TAFA1: variants seen among roughly 807,000 people sequenced by gnomAD.
TAFA1 encodes TAFA chemokine like family member 1.
In TAFA1, 4 loss-of-function variants were observed where a neutral mutation model predicts 18.5. That is an observed-to-expected ratio of 0.22 (90% confidence interval 0.11 to 0.49). TAFA1 has a LOEUF of 0.49. Among genes scored for constraint, TAFA1 ranks in the 20% least tolerant of loss-of-function variants. TAFA1 has a pLI of 0.98. For missense variants in TAFA1, 147 were observed against 169.0 expected, an observed-to-expected ratio of 0.87 and a Z score of 0.72; for synonymous variants, 56 against 55.2, an observed-to-expected ratio of 1.01 and a Z score of -0.06.
At chr3:68,194,427 G>A (rs772540732) in intron 2 of TAFA1, among the ~76,000 whole-genome samples, 1 of 151,596 alleles carries the variant, frequency 6.6e-6, no homozygotes, top group Admixed American at 6.6e-5. Context: ...AAAAAGATGA[G>A]ACTAACCAGA....
At chr3:68,266,138 T>C (rs2107213958) in intron 2 of TAFA1, among the ~76,000 whole-genome samples, 1 of 152,240 alleles carries the variant, frequency 6.6e-6, no homozygotes, top group East Asian at 1.9e-4. Flanking sequence ...GGAAAAGTGG[T>C]CAGTGTTCAG....
At chr3:68,214,977 G>T (rs1246000550) in intron 2 of TAFA1, among the ~76,000 whole-genome samples, 1 of 151,862 alleles carries the variant, frequency 6.6e-6, no homozygotes, top group East Asian at 1.9e-4. Flanking sequence ...ATATACTGTT[G>T]CTGATCTGTG....
At chr3:68,135,770 C>A (rs1387300791) in intron 2 of TAFA1, among the ~76,000 whole-genome samples, 1 of 152,172 alleles carries the variant, frequency 6.6e-6, no homozygotes, top group African/African-American at 2.4e-5. Flanking sequence ...TGACAATAGC[C>A]ATTTTTTCAT....
intron 4 of TAFA1, among the ~76,000 whole-genome samples, chr3:68,540,152 A>G (rs1281884055): frequency 6.6e-6 from 1 of 152,066 alleles, no homozygotes; most frequent in African/African-American, 2.4e-5. Context: ...ACTATATAAA[A>G]CTTATTTTTC....
chr3:68,073,491 C>T (rs1465048532), intron 2 of TAFA1, among the ~76,000 whole-genome samples: 1 of 152,190 alleles, frequency 6.6e-6, no homozygotes, highest in Non-Finnish European at 1.5e-5. Context: ...CTAAAGGGAA[C>T]ATAAACATAA....
chr3:68,320,325 C>G (rs2068679876), intron 2 of TAFA1, among the ~76,000 whole-genome samples: 2 of 152,138 alleles, frequency 1.3e-5, no homozygotes, highest in Non-Finnish European at 2.9e-5. Flanking sequence ...TTCATGCTTT[C>G]AGATATACTC....
At chr3:68,042,511 T>C (rs1705186431) in intron 2 of TAFA1, among the ~76,000 whole-genome samples, 2 of 152,084 alleles carry the variant, frequency 1.3e-5, no homozygotes, top group African/African-American at 4.8e-5. Flanking sequence ...TAGCTTGGTG[T>C]GGTGGCACAT....
At chr3:68,049,849 G>T (rs1313290039) in intron 2 of TAFA1, among the ~76,000 whole-genome samples, 1 of 151,896 alleles carries the variant, frequency 6.6e-6, no homozygotes, top group South Asian at 2.1e-4. Flanking sequence ...CTTTCATCCC[G>T]CTCTGAATAA....
intron 2 of TAFA1, among the ~76,000 whole-genome samples, chr3:68,163,680 A>G (rs993064731): frequency 6.6e-6 from 1 of 152,162 alleles, no homozygotes; most frequent in African/African-American, 2.4e-5. Flanking sequence ...TGACATTTTT[A>G]AGGGTAGAAG....
intron 2 of TAFA1, among the ~76,000 whole-genome samples, chr3:68,391,924 A>G (rs1022186071): frequency 6.6e-6 from 1 of 152,174 alleles, no homozygotes; most frequent in Non-Finnish European, 1.5e-5. Flanking sequence ...TGTAAAGACC[A>G]TCAACACTAT....
chr3:68,219,024 A>G (rs1019662983), intron 2 of TAFA1, among the ~76,000 whole-genome samples: 1 of 149,492 alleles, frequency 6.7e-6, no homozygotes, highest in Non-Finnish European at 1.5e-5. Flanking sequence ...TTTTGAAATT[A>G]TTTTAAACCA....
chr3:68,539,678 T>TGTGTGG (rs1444454763), intron 4 of TAFA1, among the ~76,000 whole-genome samples: 1 of 14,412 alleles, frequency 6.9e-5, no homozygotes, highest in Non-Finnish European at 1.3e-4. Flanking sequence ...TGTGTGTGTG[T>TGTGTGG]GGGGGGGCAT....
At chr3:68,512,230 T>G (rs1443976634) in intron 3 of TAFA1, among the ~76,000 whole-genome samples, 1 of 152,176 alleles carries the variant, frequency 6.6e-6, no homozygotes, top group Non-Finnish European at 1.5e-5. Context: ...GTGTCTTTCA[T>G]CATTTAGTGG....
At chr3:68,516,967 C>T (rs9810667) in intron 3 of TAFA1, among the ~76,000 whole-genome samples, 120,106 of 151,982 alleles carry the variant, frequency 0.79, 47,548 homozygotes, top group East Asian at 0.9. Context: ...AGAGATAGGG[C>T]TTCACCACGC....
intron 3 of TAFA1, among the ~76,000 whole-genome samples, chr3:68,442,339 T>C (rs898398935): frequency 6.6e-6 from 1 of 152,124 alleles, no homozygotes; most frequent in African/African-American, 2.4e-5. Flanking sequence ...GCTAAGCTAA[T>C]GTGCTTGCTC....
At chr3:68,050,093 G>A (rs894683989) in intron 2 of TAFA1, among the ~76,000 whole-genome samples, 2 of 152,188 alleles carry the variant, frequency 1.3e-5, no homozygotes, top group East Asian at 1.9e-4. Context: ...ATGGTGTATC[G>A]TAGTTTATTC....
At chr3:68,322,668 G>T (rs189693450) in intron 2 of TAFA1, among the ~76,000 whole-genome samples, 14 of 152,172 alleles carry the variant, frequency 9.2e-5, no homozygotes, top group Admixed American at 9.2e-4. Flanking sequence ...ATAGTCAGGG[G>T]CCGGGCGCTC....
At chr3:68,076,153 G>A (rs1012781899) in intron 2 of TAFA1, among the ~76,000 whole-genome samples, 2 of 152,172 alleles carry the variant, frequency 1.3e-5, no homozygotes, top group African/African-American at 4.8e-5. Flanking sequence ...GAAAGGCAAA[G>A]ACCTGAACCC....
chr3:68,302,749 T>G (rs904933939), intron 2 of TAFA1, among the ~76,000 whole-genome samples: 1 of 152,172 alleles, frequency 6.6e-6, no homozygotes, highest in Non-Finnish European at 1.5e-5. Context: ...TATGGGAGAC[T>G]GGAATGCTCA....
Sources: gnomAD v4.1 joint callset for allele counts (sites outside exome capture counted in the v4.1 genomes callset) on GRCh38, gnomAD v4.1.1 for gene constraint, MANE v1.5 for transcripts, NCBI Gene and HGNC (gene_info 2026-07-23, HGNC 2026-07-21) for gene names.